SLC26A7: variants seen among roughly 807,000 people sequenced by gnomAD.
The protein encoded by SLC26A7 is solute carrier family 26 member 7, also known as anion exchange transporter.
Under a neutral mutation model 82.5 loss-of-function variants are expected in SLC26A7, and 59 were observed. The ratio of observed to expected loss-of-function variants is 0.72; its 90% CI spans 0.58 to 0.89. The LOEUF is 0.89. SLC26A7 is among the 40% of genes least tolerant of loss of function. The pLI is 0.00. For missense variants in SLC26A7, 820 were observed against 793.0 expected, an observed-to-expected ratio of 1.03 and a Z score of -0.41; for synonymous variants, 271 against 274.3, an observed-to-expected ratio of 0.99 and a Z score of 0.12.
intron 15 of SLC26A7, among the ~76,000 whole-genome samples, chr8:91,389,135 A>C (rs1179255485): frequency 6.6e-6 from 1 of 152,204 alleles, no homozygotes; most frequent in African/African-American, 2.4e-5. Context: ...GTCATGTCAT[A>C]ATCACCTGAA....
At position 91,308,279 on chromosome 8, in the gene SLC26A7, GTC is replaced by G. The variant is rs1554606797; in HGVS notation, c.478-9935_478-9934del. ...TGTGTGTGTGTGTGTGTGTGTGTGT[GTC>G]TACATATAATTGTGATAAAATACAC... On this transcript the variant is annotated intron_variant, in intron 4 of 18. Transcript: ENST00000276609. 1.6e-3 allele frequency among the ~76,000 whole-genome samples: 246 copies of G among 150,096 alleles called. 1 individual carries two copies. Among genetic ancestry groups the G allele is most frequent in the African/African-American group, 5.3e-3 (216 of 40,716 alleles).
At chr8:91,355,345 A>G (rs150973017) in intron 11 of SLC26A7, among the ~76,000 whole-genome samples, 85 of 152,160 alleles carry the variant, frequency 5.6e-4, no homozygotes, top group African/African-American at 2.0e-3. Context: ...TTTTTCTTCT[A>G]ATATATCTTT....
At position 91,395,127 on chromosome 8, in the gene SLC26A7, T is replaced by C. The variant is rs767576447; in HGVS notation, c.*30T>C. ...CTTTTGTCACAGTACAGCTCTTGTC[T>C]TTACCAACTGCCTGAAGAGGCCATA... On this transcript the variant is annotated 3_prime_UTR_variant, in exon 19 of 19. Coordinates refer to ENST00000276609, the MANE Select transcript of SLC26A7 (RefSeq NM_052832.4). The C allele has an allele frequency of 3.1e-6, 5 of 1,612,084 alleles. No homozygotes were observed. The South Asian group carries it at 4.4e-5, about 14-fold the overall frequency.
chr8:91,394,210 T>A, intron 18 of SLC26A7, 171 bp downstream of exon 18: 1 of 1,591,424 alleles, frequency 6.3e-7, no homozygotes, highest in Middle Eastern at 1.7e-4. Flanking sequence ...TTTCCATTCT[T>A]TTTTTAGGCC....
chr8:91,221,096 G>T (rs1810153857), intron 2 of SLC26A7, among the ~76,000 whole-genome samples: 2 of 152,178 alleles, frequency 1.3e-5, no homozygotes, highest in South Asian at 4.1e-4. Flanking sequence ...TTGTGGTTTT[G>T]ATTTGCATTT....
chr8:91,217,627 G>A (rs528154526), intron 1 of SLC26A7, among the ~76,000 whole-genome samples: 1 of 152,154 alleles, frequency 6.6e-6, no homozygotes, highest in Non-Finnish European at 1.5e-5. Flanking sequence ...GAGCCAGGGA[G>A]TGAGAAAAGT....
intron 2 of SLC26A7, among the ~76,000 whole-genome samples, chr8:91,234,256 A>G (rs900177337): frequency 1.3e-5 from 2 of 152,204 alleles, no homozygotes; most frequent in Non-Finnish European, 2.9e-5. Context: ...AATTGGCTTT[A>G]AGCAAGTCTA....
intron 4 of SLC26A7, among the ~76,000 whole-genome samples, chr8:91,313,935 T>A (rs890505920): frequency 6.6e-6 from 1 of 152,204 alleles, no homozygotes; most frequent in African/African-American, 2.4e-5. Flanking sequence ...TGAAAGCTAC[T>A]TGCAAGAAAA....
At chr8:91,346,785 T>G (rs1195754005) in intron 9 of SLC26A7, among the ~76,000 whole-genome samples, 3 of 152,164 alleles carry the variant, frequency 2.0e-5, no homozygotes, top group Non-Finnish European at 4.4e-5. Flanking sequence ...AGCCTCCTCT[T>G]GGCCTGTTCT....
At chr8:91,390,384 T>C (rs1430500101) in intron 16 of SLC26A7, among the ~76,000 whole-genome samples, 1 of 152,212 alleles carries the variant, frequency 6.6e-6, no homozygotes, top group Non-Finnish European at 1.5e-5. Context: ...CCCAAAGTGC[T>C]GGGATTACAG....
intron 3 of SLC26A7, among the ~76,000 whole-genome samples, chr8:91,290,996 A>G (rs1408168550): frequency 6.6e-6 from 1 of 152,140 alleles, no homozygotes; most frequent in Non-Finnish European, 1.5e-5. Context: ...AATTAGAGTC[A>G]GCACTTTCAT....
At chr8:91,244,323 C>T (rs1325607104), upstream of SLC26A7, among the ~76,000 whole-genome samples, 1 of 151,908 alleles carries the variant, frequency 6.6e-6, no homozygotes, top group African/African-American at 2.4e-5. Context: ...CCTTTCTCCT[C>T]TTCCTTTTCT....
intron 1 of SLC26A7, among the ~76,000 whole-genome samples, chr8:91,213,174 G>A (rs1312340819): frequency 6.6e-6 from 1 of 152,168 alleles, no homozygotes; most frequent in Non-Finnish European, 1.5e-5. Context: ...CAGGACCACT[G>A]TGTGGGGAAG....
intron 14 of SLC26A7, among the ~76,000 whole-genome samples, chr8:91,368,358 C>T (rs1158884504): frequency 1.3e-5 from 2 of 151,540 alleles, no homozygotes; most frequent in East Asian, 1.9e-4. Context: ...CCTTAAGGGT[C>T]GAATATCTAC....
chr8:91,310,044 A>T (rs1485279225), intron 4 of SLC26A7, among the ~76,000 whole-genome samples: 2 of 151,304 alleles, frequency 1.3e-5, no homozygotes, highest in Admixed American at 1.3e-4. Flanking sequence ...GCTGATCACC[A>T]GTGTCAGGTG....
At chr8:91,361,633 G>A (rs929142531) in intron 11 of SLC26A7, among the ~76,000 whole-genome samples, 5 of 151,954 alleles carry the variant, frequency 3.3e-5, no homozygotes, top group African/African-American at 9.7e-5. Flanking sequence ...GCTTAGAAAC[G>A]CCAACTATAA....
At chr8:91,269,296 T>C (rs1811203432) in intron 2 of SLC26A7, among the ~76,000 whole-genome samples, 2 of 150,878 alleles carry the variant, frequency 1.3e-5, no homozygotes, top group Non-Finnish European at 3.0e-5. Flanking sequence ...AATTTCCTCA[T>C]CTTGTTTGTG....
chr8:91,335,012 T>C (rs1184065304), intron 6 of SLC26A7, among the ~76,000 whole-genome samples: 3 of 152,160 alleles, frequency 2.0e-5, no homozygotes, highest in African/African-American at 7.2e-5. Context: ...CTAAGGCTTG[T>C]GGCATTAGAA....
chr8:91,296,429 G>C (rs67241124), intron 4 of SLC26A7, among the ~76,000 whole-genome samples: 7 of 151,932 alleles, frequency 4.6e-5, no homozygotes, highest in Admixed American at 3.9e-4. Flanking sequence ...TAAACTTCTT[G>C]GGTGGCTGTG....
Sources: allele counts gnomAD v4.1 joint callset (sites outside exome capture counted in the v4.1 genomes callset), GRCh38; gene constraint gnomAD v4.1.1; transcripts MANE v1.5; gene names NCBI Gene and HGNC (gene_info 2026-07-23, HGNC 2026-07-21).